Variants in PPFIA2 observed in about 807,000 individuals in gnomAD.
PPFIA2 encodes the protein liprin-alpha-2.
PPFIA2 carries 46 observed loss-of-function variants against 175.5 expected under a neutral mutation model. The observed-to-expected ratio is 0.26, with a 90% confidence interval of 0.21 to 0.34. The LOEUF (loss-of-function observed/expected upper bound fraction) is 0.34, where lower values mean the gene tolerates loss of function less well. Ranked by LOEUF, PPFIA2 falls within the 10% of genes least tolerant of loss-of-function variation. The pLI is 1.00. For synonymous variants in PPFIA2, 568 were observed against 511.4 expected (o/e 1.11, Z -1.49); for missense variants, 1,179 against 1,506.1 (o/e 0.78, Z 3.60).
intron 5 of PPFIA2, among the ~76,000 whole-genome samples, chr12:81,446,656 C>T (rs139587536): frequency 3.8e-4 from 58 of 152,158 alleles, no homozygotes; most frequent in African/African-American, 1.3e-3. Flanking sequence ...CAAGTGGTGT[C>T]TACTTATGCA....
intron 4 of PPFIA2, among the ~76,000 whole-genome samples, chr12:81,492,909 A>G (rs1253519435): frequency 6.6e-6 from 1 of 152,074 alleles, no homozygotes; most frequent in Non-Finnish European, 1.5e-5. Flanking sequence ...GGTGACTTGA[A>G]CCTAAGTGTT....
intron 3 of PPFIA2, among the ~76,000 whole-genome samples, chr12:81,704,660 T>C (rs1055137168): frequency 6.6e-5 from 10 of 152,100 alleles, no homozygotes; most frequent in Non-Finnish European, 1.5e-4. Flanking sequence ...TACTTGCACA[T>C]ACAAGGTTCA....
intron 4 of PPFIA2, among the ~76,000 whole-genome samples, chr12:81,632,347 T>C (rs2063485020): frequency 6.6e-6 from 1 of 152,076 alleles, no homozygotes; most frequent in Non-Finnish European, 1.5e-5. Flanking sequence ...TCAATTTCCC[T>C]TAAAAATCAT....
At chr12:81,507,328 C>T (rs563102444) in intron 4 of PPFIA2, among the ~76,000 whole-genome samples, 32 of 152,192 alleles carry the variant, frequency 2.1e-4, no homozygotes, top group African/African-American at 7.7e-4. Flanking sequence ...AAGAAAATCT[C>T]CCATTTCTTC....
At chr12:81,526,085 G>A (rs1244732534) in intron 4 of PPFIA2, among the ~76,000 whole-genome samples, 3 of 152,096 alleles carry the variant, frequency 2.0e-5, no homozygotes, top group African/African-American at 7.2e-5. Flanking sequence ...TTAGATATTA[G>A]ACTAGGTATT....
chr12:81,337,178 G>A (rs1306019517), intron 21 of PPFIA2, among the ~76,000 whole-genome samples: 5 of 152,070 alleles, frequency 3.3e-5, no homozygotes, highest in Non-Finnish European at 7.4e-5. Flanking sequence ...TTTCCTGGAA[G>A]CTTTGATTCA....
intron 4 of PPFIA2, among the ~76,000 whole-genome samples, chr12:81,664,735 C>A (rs1307240351): frequency 6.6e-6 from 1 of 152,110 alleles, no homozygotes; most frequent in Non-Finnish European, 1.5e-5. Flanking sequence ...GACACATGCA[C>A]ATGCATGTTT....
chr12:81,493,787 T>TATATATATATATATAC (rs1491517743), intron 4 of PPFIA2, among the ~76,000 whole-genome samples: 17 of 128,344 alleles, frequency 1.3e-4, no homozygotes, highest in African/African-American at 2.5e-4. Context: ...TATATATATA[T>TATATATATATATATAC]ACACATTGGA....
At chr12:81,362,656 T>G in intron 15 of PPFIA2, 37 bp downstream of exon 15, 1 of 1,368,790 alleles carries the variant, frequency 7.3e-7, no homozygotes, top group Non-Finnish European at 1.0e-6. Flanking sequence ...ATGTTGATTT[T>G]CAGTGAATTA....
rs142486151 is a variant in PPFIA2 at position 81,440,735 on chromosome 12, G to A, written c.571-689C>T. Among the ~76,000 whole-genome samples, 283 of 151,304 alleles carry A rather than the reference G, an allele frequency of 1.9e-3. 9 individuals carry two copies. In the East Asian group the frequency reaches 0.051, roughly 27 times the overall value. ...CTTGTTTCTTACATAACTGAAACTC[G>A]AAGAAGTATTTCTTTGATTCTTGCT... On this transcript the variant is annotated intron_variant, in intron 6 of 32. Transcript: ENST00000549396.
At position 81,399,123 on chromosome 12, in the gene PPFIA2, G is replaced by T. The variant is rs545613542; in HGVS notation, c.762+6664C>A. 5.2e-4 allele frequency among the ~76,000 whole-genome samples: 79 copies of T among 151,630 alleles called. 1 individual carries two copies. The highest frequency in any genetic ancestry group is 1.8e-3 in the African/African-American group (76 of 41,390). The stretch of plus-strand genomic sequence containing the variant: ...TTCTCCTAGCCTTGCTTAACAGATC[G>T]CACAAAACAAAACAGAGGAAAAAGA... On this transcript the variant is annotated intron_variant, in intron 8 of 32. Transcript: ENST00000549396.
intron 4 of PPFIA2, among the ~76,000 whole-genome samples, chr12:81,463,364 A>C (rs575922347): frequency 3.3e-5 from 5 of 152,196 alleles, no homozygotes; most frequent in South Asian, 4.1e-4. Context: ...AAGTGTGTTA[A>C]AATCAGTGAG....
chr12:81,748,452 C>A lies in PPFIA2; in HGVS notation c.249+5521G>T, dbSNP rs934880476. ...ACTTAAGCAGAAGTTTAAGAAGCAT[C>A]TGCTTATTCCTATTTGGCTCTTACT... On this transcript the variant is annotated intron_variant, in intron 3 of 32. Transcript: ENST00000549396. Among the ~76,000 whole-genome samples the A allele has an allele frequency of 2.1e-5, 3 of 144,726 alleles. 1 individual carries two copies. The highest frequency in any genetic ancestry group is 7.3e-5 in the African/African-American group (3 of 41,132). The allele number at this position is 144,726 out of a possible 152,430, so 94.9% of individuals were successfully genotyped here.
intron 4 of PPFIA2, among the ~76,000 whole-genome samples, chr12:81,644,964 T>C (rs1274677795): frequency 1.8e-5 from 1 of 56,758 alleles, no homozygotes; most frequent in African/African-American, 7.5e-5. Context: ...ATAGTAGCCA[T>C]AAACAAAAAC....
chr12:81,353,092 G>C (rs1210437113), intron 17 of PPFIA2, 27 bp downstream of exon 17: 10 of 1,590,304 alleles, frequency 6.3e-6, no homozygotes, highest in Admixed American at 1.7e-5. Flanking sequence ...CTAATTTCTT[G>C]AAATCATCAG....
At chr12:81,301,637 G>A (rs926334490) in intron 22 of PPFIA2, among the ~76,000 whole-genome samples, 5 of 151,998 alleles carry the variant, frequency 3.3e-5, no homozygotes, top group Admixed American at 1.3e-4. Flanking sequence ...ACAATCTATC[G>A]TACCCGCGCC....
chr12:81,311,162 G>A (rs1358910830), intron 22 of PPFIA2, among the ~76,000 whole-genome samples: 1 of 151,932 alleles, frequency 6.6e-6, no homozygotes, highest in African/African-American at 2.4e-5. Context: ...ATTTCTGTTA[G>A]GAATAGATAA....
chr12:81,448,795 T>C (rs2051829516), intron 5 of PPFIA2, among the ~76,000 whole-genome samples: 1 of 152,204 alleles, frequency 6.6e-6, no homozygotes, highest in Non-Finnish European at 1.5e-5. Context: ...CTTTCATATT[T>C]TAACTCAAAT....
intron 4 of PPFIA2, among the ~76,000 whole-genome samples, chr12:81,469,939 C>T (rs2146260690): frequency 6.6e-6 from 1 of 152,312 alleles, no homozygotes; most frequent in South Asian, 2.1e-4. Context: ...AGAAGGCAGC[C>T]ATCTGCAAGC....
Sources: allele counts gnomAD v4.1 joint callset (sites outside exome capture counted in the v4.1 genomes callset), GRCh38; gene constraint gnomAD v4.1.1; transcripts MANE v1.5; gene names NCBI Gene and HGNC (gene_info 2026-07-23, HGNC 2026-07-21).